Variants in RRM1 observed in about 807,000 individuals in gnomAD.
RRM1 encodes the protein ribonucleotide reductase catalytic subunit M1.
RRM1 carries 19 observed loss-of-function variants against 101.5 expected under a neutral mutation model. That is an observed-to-expected ratio of 0.19 (90% CI 0.13 to 0.27). The LOEUF is 0.27. RRM1 is among the 10% of genes least tolerant of loss of function. The pLI, the probability that RRM1 is intolerant of heterozygous loss-of-function variation, is 1.00. For missense variants in RRM1, 500 were observed against 962.9 expected (o/e 0.52, Z 6.36); for synonymous variants, 298 against 323.4 (o/e 0.92, Z 0.84).
At chr11:4,113,180 C>A (rs547950911) in intron 7 of RRM1, among the ~76,000 whole-genome samples, 6 of 151,752 alleles carry the variant, frequency 4.0e-5, no homozygotes, top group African/African-American at 1.4e-4. Flanking sequence ...ATGGTAACAT[C>A]AAAAAATACA....
intron 7 of RRM1, 115 bp downstream of exon 7, chr11:4,112,177 AT>A: frequency 1.4e-6 from 1 of 725,410 alleles, no homozygotes; most frequent in Non-Finnish European, 2.2e-6. Context: ...ATTAAATGAG[AT>A]TTAGATTCTG....
intron 9 of RRM1, 105 bp downstream of exon 9, chr11:4,120,033 T>A (rs796163568): frequency 5.7e-5 from 39 of 684,062 alleles, no homozygotes; most frequent in African/African-American, 5.6e-4. Flanking sequence ...ACCTTTTTTT[T>A]ACTTGTAAAA....
At chr11:4,137,618 G>T (rs550679279) in intron 18 of RRM1, among the ~76,000 whole-genome samples, 14 of 14,758 alleles carry the variant, frequency 9.5e-4, no homozygotes, top group East Asian at 4.1e-3. Context: ...TGGCCGGGCT[G>T]GGGGCTGACT....
intron 2 of RRM1, 76 bp from the exon 3 acceptor site, chr11:4,105,970 G>A: frequency 7.7e-7 from 1 of 1,301,042 alleles, no homozygotes; most frequent in East Asian, 2.4e-5. Flanking sequence ...GGCCATGATG[G>A]TTTTCTTAAT....
intron 1 of RRM1, among the ~76,000 whole-genome samples, chr11:4,100,117 A>G (rs1267943748): frequency 6.6e-6 from 1 of 152,218 alleles, no homozygotes; most frequent in Admixed American, 6.5e-5. Context: ...AATTATCACA[A>G]TGGTGATCAG....
intron 11 of RRM1, among the ~76,000 whole-genome samples, chr11:4,122,944 A>G (rs182550818): frequency 6.6e-6 from 1 of 151,734 alleles, no homozygotes; most frequent in Admixed American, 6.6e-5. Context: ...ACTCCTTTTT[A>G]TTATGAAAGA....
rs1432039614 is a variant in RRM1, at chr11:4,119,913, T to C, written c.861T>C (p.Asp287=). The change falls in exon 9 of 19, where the codon GAT becomes GAC. Residue 287 remains aspartate, a synonymous_variant. Coordinates refer to ENST00000300738, the MANE Select transcript of RRM1 (RefSeq NM_001033.5). ...RVYNNTARYV[D]QGGNKRPGAF... ...ATAACAACACAGCTCGATATGTGGA[T>C]CAAGGTGGGAACAAGGTATGCTCCA... 4.4e-6 allele frequency: 7 copies of C among 1,595,972 alleles called. No individual in the cohort carries two copies. Among genetic ancestry groups the C allele is most frequent in the Non-Finnish European group, 6.0e-6 (7 of 1,163,968 alleles).
chr11:4,106,229 T>A lies in RRM1; in HGVS notation c.286+6T>A. The A allele has an allele frequency of 1.2e-6, 2 of 1,611,458 alleles. No individual in the cohort carries two copies. The highest frequency in any genetic ancestry group is 2.2e-5 in the South Asian group (2 of 90,646). Reference sequence around the variant, plus strand: ...AACAAAGAAAGTGTTCAGTGGTAAGTCTGGGGTGAAAAAGTAAAAATTTAG... The same window carrying A: ...AACAAAGAAAGTGTTCAGTGGTAAGACTGGGGTGAAAAAGTAAAAATTTAG... On this transcript the variant is annotated splice_donor_region_variant and intron_variant, in intron 3 of 18. Transcript: ENST00000300738.
intron 1 of RRM1, 120 bp from the exon 2 acceptor site, chr11:4,101,873 T>G (rs1404614206): frequency 4.8e-6 from 3 of 625,184 alleles, no homozygotes; most frequent in Non-Finnish European, 8.5e-6. Flanking sequence ...CAATCTTTTC[T>G]GTGAAATAGC....
At chr11:4,103,087 C>T (rs550904197) in intron 2 of RRM1, among the ~76,000 whole-genome samples, 8 of 152,204 alleles carry the variant, frequency 5.3e-5, no homozygotes, top group South Asian at 4.2e-4. Context: ...GTATCTTATC[C>T]GTAAAACCTG....
intron 1 of RRM1, among the ~76,000 whole-genome samples, chr11:4,100,171 G>T (rs2094549183): frequency 6.6e-6 from 1 of 152,202 alleles, no homozygotes; most frequent in Non-Finnish European, 1.5e-5. Context: ...AAAGCAACTT[G>T]TTCTAGTGAT....
In RRM1 at chr11:4,107,539, T is replaced by A. The variant is rs752655976; in HGVS notation, c.387+4T>A. 1 of 1,586,586 alleles carries A rather than the reference T, an allele frequency of 6.3e-7. No individual in the cohort carries two copies. The highest frequency in any genetic ancestry group is 1.1e-5 in the South Asian group (1 of 88,762). ...TATTGTTCTGGCCAATAAAGATGTATGTATAACACTTATCTGGTGGAAATT... is the reference window on the plus strand; with the variant it reads ...TATTGTTCTGGCCAATAAAGATGTAAGTATAACACTTATCTGGTGGAAATT... On this transcript the variant is annotated splice_donor_region_variant and intron_variant, in intron 4 of 18. Transcript: ENST00000300738.
At chr11:4,123,511 A>G (rs1381864163) in intron 12 of RRM1, 127 bp downstream of exon 12, 17 of 741,560 alleles carry the variant, frequency 2.3e-5, no homozygotes, top group South Asian at 5.0e-5. Flanking sequence ...GCAGAAGAAC[A>G]CTGTTAAAGG....
At chr11:4,120,734 A>G (rs1223239586) in intron 9 of RRM1, among the ~76,000 whole-genome samples, 3 of 152,218 alleles carry the variant, frequency 2.0e-5, no homozygotes, top group Admixed American at 1.3e-4. Context: ...GGCTGGATGC[A>G]GTGGCTCCTG....
At chr11:4,127,586 C>G (rs142692071) in intron 14 of RRM1, among the ~76,000 whole-genome samples, 2 of 152,160 alleles carry the variant, frequency 1.3e-5, no homozygotes, top group Admixed American at 1.3e-4. Context: ...AGGCAAGGAA[C>G]AGAATCTCTT....
intron 15 of RRM1, among the ~76,000 whole-genome samples, chr11:4,129,669 A>T (rs2094595775): frequency 6.6e-6 from 1 of 152,096 alleles, no homozygotes; most frequent in Non-Finnish European, 1.5e-5. Flanking sequence ...AGCATAAGGG[A>T]TTCGAAGGCA....
intron 4 of RRM1, 63 bp from the exon 5 acceptor site, chr11:4,109,581 G>A: frequency 7.4e-7 from 1 of 1,349,060 alleles, no homozygotes; most frequent in Non-Finnish European, 1.0e-6. Context: ...CGAGAGATAA[G>A]AGATTTTGTG....
In RRM1 at chr11:4,138,189, T is replaced by A. The variant is rs2094617518; in HGVS notation, c.2191-6T>A. The A allele has an allele frequency of 6.0e-6, 9 of 1,503,282 alleles. No individual in the cohort carries two copies. The Admixed American group carries it at 1.7e-4, about 28-fold the overall frequency. 93.1% of individuals were successfully genotyped at this position (1,503,282 alleles called of 1,614,324 possible). On this transcript the variant is annotated splice_polypyrimidine_tract_variant and splice_region_variant and intron_variant, in intron 18 of 18. Coordinates refer to ENST00000300738, the MANE Select transcript of RRM1 (RefSeq NM_001033.5). Reference sequence around the variant, plus strand: ...CTCCTAATAATTGTCTTTACTTTCCTTGTAGGGTTTGAAGACTGGGATGTA... The same window carrying A: ...CTCCTAATAATTGTCTTTACTTTCCATGTAGGGTTTGAAGACTGGGATGTA...
At chr11:4,125,232 T>C (rs1331665430) in intron 12 of RRM1, among the ~76,000 whole-genome samples, 1 of 152,038 alleles carries the variant, frequency 6.6e-6, no homozygotes, top group African/African-American at 2.4e-5. Context: ...TTTTTATCAC[T>C]GTAGATAATG....
Sources: gnomAD v4.1 joint callset for allele counts (sites outside exome capture counted in the v4.1 genomes callset) on GRCh38, gnomAD v4.1.1 for gene constraint, MANE v1.5 for transcripts, NCBI Gene and HGNC (gene_info 2026-07-23, HGNC 2026-07-21) for gene names.